GALNT13: variants seen among roughly 807,000 people sequenced by gnomAD.
The protein encoded by GALNT13 is UDP-GalNAc:polypeptide N-acetylgalactosaminyltransferase 13.
Under a neutral mutation model 64.2 loss-of-function variants are expected in GALNT13, and 28 were observed. The observed-to-expected ratio is 0.44, with a 90% confidence interval of 0.32 to 0.60. The LOEUF (loss-of-function observed/expected upper bound fraction) is 0.60, where lower values mean the gene tolerates loss of function less well. Among genes scored for constraint, GALNT13 ranks in the 20% least tolerant of loss-of-function variants. GALNT13 has a pLI of 0.05. For synonymous variants in GALNT13, 214 were observed against 224.6 expected (o/e 0.95, Z 0.42); for missense variants, 577 against 669.8 (o/e 0.86, Z 1.53).
At chr2:153,792,485 C>A in the GALNT13 span, among the ~76,000 whole-genome samples, 1 of 152,104 alleles carries the variant, frequency 6.6e-6, no homozygotes, top group African/African-American at 2.4e-5. Flanking sequence ...ACAAGGGGTC[C>A]TGGAACCACT....
At chr2:153,672,499 A>T in the GALNT13 span, among the ~76,000 whole-genome samples, 4 of 152,218 alleles carry the variant, frequency 2.6e-5, no homozygotes, top group Non-Finnish European at 4.4e-5. Context: ...GTTCTTTGAA[A>T]CCAATGAGAA....
the GALNT13 span, chr2:153,449,836 T>G: frequency 1.3e-5 from 2 of 152,192 alleles, no homozygotes; most frequent in Admixed American, 6.5e-5. Context: ...ACATGTTACT[T>G]GCATCTACTT....
the GALNT13 span, chr2:153,477,958 T>C: frequency 2.1e-6 from 1 of 468,352 alleles, no homozygotes; most frequent in Non-Finnish European, 3.8e-6. Context: ...CTCCCCGCAT[T>C]CCAAGTAAGT....
chr2:153,620,541 T>C, the GALNT13 span, among the ~76,000 whole-genome samples: 1 of 152,004 alleles, frequency 6.6e-6, no homozygotes, highest in Admixed American at 6.6e-5. Flanking sequence ...TCAATTCTGC[T>C]ACCATAAGAC....
At chr2:153,248,552 G>A in the GALNT13 span, among the ~76,000 whole-genome samples, 1 of 152,082 alleles carries the variant, frequency 6.6e-6, no homozygotes, top group South Asian at 2.1e-4. Context: ...TGGTGGCTCA[G>A]CCTGTAATCC....
the GALNT13 span, among the ~76,000 whole-genome samples, chr2:153,821,525 A>G: frequency 6.6e-6 from 1 of 152,186 alleles, no homozygotes; most frequent in African/African-American, 2.4e-5. Context: ...AAATCAAAAA[A>G]TTCTTCAAAG....
At chr2:154,291,810 C>G (rs1249362903) in intron 8 of GALNT13, among the ~76,000 whole-genome samples, 1 of 152,248 alleles carries the variant, frequency 6.6e-6, no homozygotes, top group Non-Finnish European at 1.5e-5. Flanking sequence ...AGGCCGAGGC[C>G]GAGGAGGTGC....
chr2:153,964,582 A>T (rs2105104803), intron 3 of GALNT13, among the ~76,000 whole-genome samples: 1 of 152,240 alleles, frequency 6.6e-6, no homozygotes, highest in East Asian at 1.9e-4. Context: ...ATATGTAATG[A>T]TATAAAATTC....
the GALNT13 span, among the ~76,000 whole-genome samples, chr2:153,765,435 GC>G: frequency 6.6e-6 from 1 of 152,156 alleles, no homozygotes; most frequent in African/African-American, 2.4e-5. Flanking sequence ...GGGACCTGTA[GC>G]CCCTTCATTT....
intron 12 of GALNT13, chr2:154,445,898 T>C: frequency 1.2e-6 from 1 of 864,340 alleles, no homozygotes; most frequent in Non-Finnish European, 1.7e-6. Flanking sequence ...ATGGAGGAAA[T>C]AGATGGAGAG....
At chr2:153,974,906 A>C (rs1574245138) in intron 3 of GALNT13, among the ~76,000 whole-genome samples, 1 of 152,038 alleles carries the variant, frequency 6.6e-6, no homozygotes, top group South Asian at 2.1e-4. Flanking sequence ...GTCTAGAGGA[A>C]GGAAATCTGA....
At chr2:153,582,665 C>T in the GALNT13 span, among the ~76,000 whole-genome samples, 18,652 of 152,022 alleles carry the variant, frequency 0.12, 1,546 homozygotes, top group East Asian at 0.4. Context: ...AATTATTTGT[C>T]CCTGTAGAGC....
chr2:154,043,414 T>TTATATATA (rs1179722579), intron 3 of GALNT13, among the ~76,000 whole-genome samples: 164 of 77,958 alleles, frequency 2.1e-3, no homozygotes, highest in South Asian at 2.4e-3. Context: ...ATAAGGACTT[T>TTATATATA]TATATATATA....
At chr2:153,517,186 A>G in the GALNT13 span, among the ~76,000 whole-genome samples, 5 of 152,158 alleles carry the variant, frequency 3.3e-5, no homozygotes, top group East Asian at 1.9e-4. Context: ...AAAATAGTAC[A>G]TATACTCTCC....
At chr2:153,085,741 A>C in the GALNT13 span, among the ~76,000 whole-genome samples, 4 of 152,254 alleles carry the variant, frequency 2.6e-5, no homozygotes, top group East Asian at 7.8e-4. Context: ...ACAGAAGAGA[A>C]ATGTGGGGTT....
At chr2:153,345,604 ATTTCTTTTCT>A in the GALNT13 span, among the ~76,000 whole-genome samples, 40 of 128,606 alleles carry the variant, frequency 3.1e-4, 1 homozygote, top group Non-Finnish European at 3.9e-4. Context: ...GTGCCCTCCC[ATTTCTTTTCT>A]TTTCTTTTCT....
the GALNT13 span, among the ~76,000 whole-genome samples, chr2:153,172,353 GAGAT>G: frequency 6.6e-6 from 1 of 152,140 alleles, no homozygotes; most frequent in African/African-American, 2.4e-5. Flanking sequence ...TTGAAGTAGA[GAGAT>G]AGAATGTTAG....
At chr2:153,533,315 G>T in the GALNT13 span, among the ~76,000 whole-genome samples, 5 of 152,070 alleles carry the variant, frequency 3.3e-5, no homozygotes, top group African/African-American at 1.2e-4. Context: ...GCAGTGGCTT[G>T]ATCTCGGCTC....
At chr2:153,181,840 T>C in the GALNT13 span, among the ~76,000 whole-genome samples, 62,259 of 145,160 alleles carry the variant, frequency 0.43, 13,885 homozygotes, top group East Asian at 0.74. Flanking sequence ...ACATAATTTA[T>C]ATAATTATAT....
Sources: gnomAD v4.1 joint callset for allele counts (sites outside exome capture counted in the v4.1 genomes callset) on GRCh38, gnomAD v4.1.1 for gene constraint, MANE v1.5 for transcripts, NCBI Gene and HGNC (gene_info 2026-07-23, HGNC 2026-07-21) for gene names.